Variants in CA10 observed in about 807,000 individuals in gnomAD.
The protein encoded by CA10 is carbonic anhydrase-related protein 10.
Under a neutral mutation model 44.2 loss-of-function variants are expected in CA10, and 14 were observed. That is an observed-to-expected ratio of 0.32 (90% CI 0.21 to 0.50). CA10 has a LOEUF of 0.50. Ranked by LOEUF, CA10 falls within the 20% of genes least tolerant of loss-of-function variation. The pLI, the probability that CA10 is intolerant of heterozygous loss-of-function variation, is 0.99. For missense variants in CA10, 350 were observed against 409.7 expected (o/e 0.85, Z 1.26); for synonymous variants, 159 against 141.6 (o/e 1.12, Z -0.87).
intron 2 of CA10, among the ~76,000 whole-genome samples, chr17:52,018,773 A>G (rs754087589): frequency 1.3e-5 from 2 of 152,084 alleles, no homozygotes; most frequent in Non-Finnish European, 1.5e-5. Context: ...AGGACCAGGG[A>G]AGAAGTAATA....
At chr17:51,681,313 C>T (rs1914837415) in intron 4 of CA10, among the ~76,000 whole-genome samples, 1 of 152,214 alleles carries the variant, frequency 6.6e-6, no homozygotes, top group African/African-American at 2.4e-5. Context: ...TTCCATCTCT[C>T]TTTGCTTCAA....
At chr17:51,994,214 G>A (rs1985144639) in intron 2 of CA10, among the ~76,000 whole-genome samples, 1 of 151,872 alleles carries the variant, frequency 6.6e-6, no homozygotes, top group Admixed American at 6.6e-5. Context: ...ATGGTCCATT[G>A]AGGTACAAGA....
chr17:52,100,441 C>A (rs1567733321), intron 1 of CA10, among the ~76,000 whole-genome samples: 1 of 151,416 alleles, frequency 6.6e-6, no homozygotes, highest in African/African-American at 2.4e-5. Flanking sequence ...ACAGGACTCT[C>A]AAAAAAAACA....
intron 3 of CA10, among the ~76,000 whole-genome samples, chr17:51,756,527 C>G (rs1294586306): frequency 1.4e-5 from 2 of 141,460 alleles, no homozygotes; most frequent in African/African-American, 5.4e-5. Context: ...AGTGCAGTGG[C>G]GCCATCTCGG....
At chr17:51,671,695 C>G (rs564596270) in intron 4 of CA10, among the ~76,000 whole-genome samples, 1 of 152,206 alleles carries the variant, frequency 6.6e-6, no homozygotes, top group Admixed American at 6.5e-5. Flanking sequence ...TGAGCCACCA[C>G]GCCCGGCCAC....
At chr17:52,065,932 C>T (rs1567721671) in intron 2 of CA10, among the ~76,000 whole-genome samples, 1 of 152,160 alleles carries the variant, frequency 6.6e-6, no homozygotes, top group Non-Finnish European at 1.5e-5. Context: ...GTTCTCTTGA[C>T]AGTGAGTGAG....
chr17:51,647,151 G>A (rs1913373898), intron 6 of CA10, among the ~76,000 whole-genome samples: 1 of 152,038 alleles, frequency 6.6e-6, no homozygotes, highest in South Asian at 2.1e-4. Context: ...CCTGCCTTCT[G>A]CATAAACACC....
At chr17:51,907,379 G>A (rs987307416) in intron 3 of CA10, among the ~76,000 whole-genome samples, 15 of 151,924 alleles carry the variant, frequency 9.9e-5, no homozygotes, top group Admixed American at 7.9e-4. Context: ...GGGCCTTCCC[G>A]GCTGCCCCAT....
intron 4 of CA10, among the ~76,000 whole-genome samples, chr17:51,744,690 A>T (rs1359963286): frequency 6.6e-6 from 1 of 152,172 alleles, no homozygotes; most frequent in East Asian, 1.9e-4. Context: ...TCATTTCATC[A>T]CTGTATCGTT....
chr17:51,999,255 A>G (rs546897716), intron 2 of CA10, among the ~76,000 whole-genome samples: 3 of 152,190 alleles, frequency 2.0e-5, no homozygotes, highest in Admixed American at 6.6e-5. Flanking sequence ...TCAGAGCAGC[A>G]GAGGATTGTG....
chr17:51,633,567 T>G lies in CA10; in HGVS notation c.873A>C (p.Pro291=), dbSNP rs769492723. 6.2e-7 allele frequency: 1 copy of G among 1,613,892 alleles called. No homozygotes were observed. The highest frequency in any genetic ancestry group is 8.5e-7 in the Non-Finnish European group (1 of 1,179,958). The change falls in exon 8 of 9, where the codon CCA becomes CCC. Residue 291 remains proline (P), a synonymous_variant. Transcript: ENST00000451037. ...SMSDNFRPVQ[P]LNNRCIRTNI... ...TGGTGCGGATGCAGCGGTTGTTGAG[T>G]GGCTGGACAGGCCTGAAGTTGTCAC...
intron 2 of CA10, among the ~76,000 whole-genome samples, chr17:52,027,111 A>T (rs1986325499): frequency 6.6e-6 from 1 of 152,062 alleles, no homozygotes; most frequent in African/African-American, 2.4e-5. Context: ...GGAGATAGTG[A>T]CAGGTCATCA....
intron 2 of CA10, among the ~76,000 whole-genome samples, chr17:52,064,867 A>T (rs1400088348): frequency 6.6e-6 from 1 of 152,210 alleles, no homozygotes; most frequent in Non-Finnish European, 1.5e-5. Flanking sequence ...ATTCTGTATT[A>T]TGATTTTAAG....
chr17:51,822,365 A>C (rs561911192), intron 3 of CA10, among the ~76,000 whole-genome samples: 3 of 152,290 alleles, frequency 2.0e-5, no homozygotes, highest in Non-Finnish European at 2.9e-5. Flanking sequence ...TGCATGAGCC[A>C]GGATCCACCA....
chr17:52,004,941 G>C (rs1330673734), intron 2 of CA10, among the ~76,000 whole-genome samples: 2 of 151,838 alleles, frequency 1.3e-5, no homozygotes, highest in African/African-American at 4.8e-5. Context: ...GCTAGGTCAA[G>C]AACAAGACTC....
chr17:51,751,835 A>T (rs1432631043), intron 3 of CA10, among the ~76,000 whole-genome samples: 1 of 152,030 alleles, frequency 6.6e-6, no homozygotes, highest in East Asian at 1.9e-4. Context: ...TCACTTCCAG[A>T]CCCCTTCTGC....
chr17:51,842,970 T>C (rs7225179), intron 3 of CA10, among the ~76,000 whole-genome samples: 36,832 of 151,924 alleles, frequency 0.24, 8,081 homozygotes, highest in African/African-American at 0.6. Context: ...TATTAAGTTA[T>C]GTGCAAATGA....
intron 2 of CA10, among the ~76,000 whole-genome samples, chr17:52,069,423 C>T (rs1158012544): frequency 6.6e-6 from 1 of 152,168 alleles, no homozygotes; most frequent in East Asian, 1.9e-4. Context: ...GCCTGCAAGA[C>T]AGACTCTAGT....
intron 3 of CA10, among the ~76,000 whole-genome samples, chr17:51,800,093 C>T (rs1192720284): frequency 6.6e-6 from 1 of 152,186 alleles, no homozygotes; most frequent in East Asian, 1.9e-4. Context: ...AGGGTGAAAA[C>T]AACCTGGATG....
Sources: allele counts gnomAD v4.1 joint callset (sites outside exome capture counted in the v4.1 genomes callset), GRCh38; gene constraint gnomAD v4.1.1; transcripts MANE v1.5; gene names NCBI Gene and HGNC (gene_info 2026-07-23, HGNC 2026-07-21).